Variants in EFR3B observed in about 807,000 individuals in gnomAD.
EFR3B encodes the protein EFR3 homolog B, also known as protein EFR3 homolog B.
Under a neutral mutation model 104.7 loss-of-function variants are expected in EFR3B, and 64 were observed. The ratio of observed to expected loss-of-function variants is 0.61; its 90% CI spans 0.50 to 0.75. EFR3B has a LOEUF of 0.75. EFR3B is among the 30% of genes least tolerant of loss of function. EFR3B has a pLI of 0.00. For missense variants in EFR3B, 750 were observed against 1,078.5 expected (o/e 0.70, Z 4.27); for synonymous variants, 385 against 417.9 (o/e 0.92, Z 0.96).
At chr2:25,106,408 G>C (rs571800750) in intron 4 of EFR3B, among the ~76,000 whole-genome samples, 1 of 151,634 alleles carries the variant, frequency 6.6e-6, no homozygotes, top group Non-Finnish European at 1.5e-5. Flanking sequence ...TTCTACTTCA[G>C]CCTCTCCAGT....
Position 25,114,032 on chromosome 2 carries a change from AG to A in EFR3B, c.364-7638del, listed in dbSNP as rs1054032542. On this transcript the variant is annotated intron_variant, in intron 4 of 22. Transcript: ENST00000403714. The surrounding 1 kb of genome is among the most constrained non-coding windows in gnomAD (Gnocchi z 4.0). ...CATAGCACTACACTGCCTCTTTAAGAGGGAAAAGGGCTTACTCGCTCTAAAA... is the reference window on the plus strand; with the variant it reads ...CATAGCACTACACTGCCTCTTTAAGAGGAAAAGGGCTTACTCGCTCTAAAA... Among the ~76,000 whole-genome samples, 4 of 152,268 alleles carry A rather than the reference AG, an allele frequency of 2.6e-5. No homozygotes were observed. The highest frequency in any genetic ancestry group is 9.6e-5 in the African/African-American group (4 of 41,552).
chr2:25,056,768 G>A (rs1006725678), intron 1 of EFR3B, among the ~76,000 whole-genome samples: 4 of 152,020 alleles, frequency 2.6e-5, no homozygotes, highest in Non-Finnish European at 4.4e-5. Flanking sequence ...TGCTCAAAAC[G>A]TTCTCCTCTC....
chr2:25,154,408 C>G lies in EFR3B; in HGVS notation c.*68C>G, dbSNP rs1284691838. ...GGGGCTCACCTCACGCCCACCCCGA[C>G]CACATGGAGATCTGGCTGTGATCTC... is the stretch of plus-strand genomic sequence containing the variant. On this transcript the variant is annotated 3_prime_UTR_variant, in exon 23 of 23. Coordinates refer to ENST00000403714, the MANE Select transcript of EFR3B (RefSeq NM_014971.2). The surrounding 1 kb of genome is among the most constrained non-coding windows in gnomAD (Gnocchi z 4.1). 3.7e-6 allele frequency: 5 copies of G among 1,357,058 alleles called. No homozygotes were observed. The highest frequency in any genetic ancestry group is 5.1e-6 in the Non-Finnish European group (5 of 976,730). 84.1% of individuals were successfully genotyped at this position (1,357,058 alleles called of 1,614,324 possible).
At chr2:25,065,038 G>A (rs565006112) in intron 1 of EFR3B, among the ~76,000 whole-genome samples, 39 of 152,018 alleles carry the variant, frequency 2.6e-4, no homozygotes, top group Non-Finnish European at 4.6e-4. Context: ...TGCACTGCTG[G>A]TGTTAGAAGC....
chr2:25,132,829 C>A, intron 10 of EFR3B, 74 bp from the exon 11 acceptor site: 1 of 1,271,800 alleles, frequency 7.9e-7, no homozygotes, highest in Non-Finnish European at 1.1e-6. Flanking sequence ...TCGCTCTCTG[C>A]AGCTGAAAGG....
intron 2 of EFR3B, among the ~76,000 whole-genome samples, chr2:25,092,483 A>C (rs899178854): frequency 1.3e-5 from 2 of 151,942 alleles, no homozygotes; most frequent in Non-Finnish European, 2.9e-5. Context: ...ACATGTATAC[A>C]TTCATGTATA....
chr2:25,091,436 A>C, intron 2 of EFR3B, 35 bp downstream of exon 2: 132 of 1,530,548 alleles, frequency 8.6e-5, no homozygotes, highest in Non-Finnish European at 1.0e-4. Flanking sequence ...CGTGGCTCTC[A>C]TGGTCCAGGC....
At chr2:25,107,808 GCTT>G (rs1478767629) in intron 4 of EFR3B, among the ~76,000 whole-genome samples, 1 of 134,846 alleles carries the variant, frequency 7.4e-6, no homozygotes. Flanking sequence ...ATTTAAGTGA[GCTT>G]TTTTTTTTTT....
At chr2:25,044,579 C>T (rs1298987061) in intron 1 of EFR3B, among the ~76,000 whole-genome samples, 4 of 152,168 alleles carry the variant, frequency 2.6e-5, no homozygotes, top group African/African-American at 4.8e-5. Context: ...CACTGCGCTT[C>T]TCCCCCTCCC....
At chr2:25,139,317 C>T in intron 16 of EFR3B, 127 bp downstream of exon 16, 3 of 1,206,642 alleles carry the variant, frequency 2.5e-6, no homozygotes, top group Non-Finnish European at 3.3e-6. Context: ...AAGTAAGAAC[C>T]ACTAATGGTG....
At position 25,154,119 on chromosome 2, in the gene EFR3B, G is replaced by T. The variant is rs560443698; in HGVS notation, c.2349-116G>T. 2 of 853,710 alleles carry T rather than the reference G, an allele frequency of 2.3e-6. No homozygotes were observed. The highest frequency in any genetic ancestry group is 3.4e-5 in the South Asian group (2 of 58,922). The allele number at this position is 853,710 out of a possible 1,614,324, so 52.9% of individuals were successfully genotyped here. ...TCCTGGGAACCTGTGGAATGAAGGG[G>T]TCTCTGGTGCCTGTGCAAAAAGAAA... On this transcript the variant is annotated intron_variant, in intron 22 of 22. Coordinates refer to ENST00000403714, the MANE Select transcript of EFR3B (RefSeq NM_014971.2). This position sits in a 1 kb window ranked among gnomAD's most constrained non-coding sequence, Gnocchi z 4.1.
At position 25,151,899 on chromosome 2, in the gene EFR3B, C is replaced by T. The variant is rs1671019114; in HGVS notation, c.2192-15C>T. The stretch of plus-strand genomic sequence containing the variant: ...TGAGCAGGGCCTGGCACTAACCCAG[C>T]TCTCTGTGTCGAAGTGGACAGCGTA... On this transcript the variant is annotated splice_polypyrimidine_tract_variant and intron_variant, in intron 20 of 22. Transcript: ENST00000403714. The T allele has an allele frequency of 1.3e-6, 2 of 1,551,554 alleles. No individual in the cohort carries two copies. The highest frequency in any genetic ancestry group is 1.7e-6 in the Non-Finnish European group (2 of 1,146,908).
intron 3 of EFR3B, among the ~76,000 whole-genome samples, chr2:25,102,298 A>G (rs1669449166): frequency 6.6e-6 from 1 of 152,158 alleles, no homozygotes; most frequent in Admixed American, 6.5e-5. Flanking sequence ...TTGTGAATAG[A>G]GGATAGAGGT....
intron 21 of EFR3B, among the ~76,000 whole-genome samples, chr2:25,152,405 A>G (rs533382803): frequency 6.6e-6 from 1 of 152,308 alleles, no homozygotes; most frequent in East Asian, 1.9e-4. Context: ...AGCTTCTTCT[A>G]TTGATGAGCC....
intron 5 of EFR3B, among the ~76,000 whole-genome samples, chr2:25,123,089 G>A (rs913257097): frequency 6.6e-6 from 1 of 152,174 alleles, no homozygotes; most frequent in Admixed American, 6.5e-5. Flanking sequence ...TTGACCAGGT[G>A]CAGTGGCTCA....
At chr2:25,058,787 CAAT>C (rs1486266551) in intron 1 of EFR3B, among the ~76,000 whole-genome samples, 2 of 114,024 alleles carry the variant, frequency 1.8e-5, no homozygotes, top group African/African-American at 8.2e-5. Flanking sequence ...AAAAAAAAAA[CAAT>C]AACCAAGTGT....
chr2:25,050,911 T>A (rs1667848668), intron 1 of EFR3B, among the ~76,000 whole-genome samples: 1 of 152,232 alleles, frequency 6.6e-6, no homozygotes, highest in Non-Finnish European at 1.5e-5. Context: ...CTAAATTAGA[T>A]ATTTCTTTTC....
At chr2:25,127,614 C>T (rs1041310657) in intron 5 of EFR3B, among the ~76,000 whole-genome samples, 5 of 152,118 alleles carry the variant, frequency 3.3e-5, no homozygotes, top group African/African-American at 1.2e-4. Flanking sequence ...AAGAGGGCTC[C>T]CTCCCACAGA....
At chr2:25,138,817 C>T (rs1247095393) in intron 15 of EFR3B, among the ~76,000 whole-genome samples, 1 of 152,154 alleles carries the variant, frequency 6.6e-6, no homozygotes, top group Non-Finnish European at 1.5e-5. Flanking sequence ...GAGGTCATTG[C>T]CTCTGTAGTC....
Sources: gnomAD v4.1 joint callset for allele counts (sites outside exome capture counted in the v4.1 genomes callset) on GRCh38, gnomAD v4.1.1 for gene constraint, Gnocchi (gnomAD v3.1) non-coding constraint, MANE v1.5 for transcripts, NCBI Gene and HGNC (gene_info 2026-07-23, HGNC 2026-07-21) for gene names.